The following PARD3B variants were observed in gnomAD, a reference collection of about 807,000 sequenced individuals.
The protein encoded by PARD3B is partitioning defective 3 homolog B.
Under a neutral mutation model 130.2 loss-of-function variants are expected in PARD3B, and 103 were observed. That is an observed-to-expected ratio of 0.79 (90% confidence interval 0.67 to 0.93). The LOEUF (loss-of-function observed/expected upper bound fraction) is 0.93. Among genes scored for constraint, PARD3B ranks in the 40% least tolerant of loss-of-function variants. The probability of loss-of-function intolerance (pLI) is 0.00; values close to 1 mark genes in which losing one functional copy is unlikely to be tolerated. For missense variants in PARD3B, 1,609 were observed against 1,499.2 expected (o/e 1.07, Z -1.21); for synonymous variants, 583 against 553.2 (o/e 1.05, Z -0.76).
At chr2:205,320,204 G>A (rs1428496155) in intron 18 of PARD3B, among the ~76,000 whole-genome samples, 1 of 135,016 alleles carries the variant, frequency 7.4e-6, no homozygotes, top group African/African-American at 2.7e-5. Flanking sequence ...GAAGGGAAGG[G>A]AGGGAAGGGT....
At chr2:204,597,875 C>T (rs1488291173) in intron 1 of PARD3B, among the ~76,000 whole-genome samples, 2 of 152,182 alleles carry the variant, frequency 1.3e-5, no homozygotes, top group Non-Finnish European at 2.9e-5. Context: ...GGAAGAGTCA[C>T]TGAATATGTA....
intron 1 of PARD3B, among the ~76,000 whole-genome samples, chr2:204,651,918 C>G (rs2035492320): frequency 6.6e-6 from 1 of 152,174 alleles, no homozygotes; most frequent in Non-Finnish European, 1.5e-5. Context: ...CAAGCTGTAC[C>G]TTGGCCTCGC....
Position 204,967,675 on chromosome 2 carries a change from A to G in PARD3B, c.394+2352A>G, listed in dbSNP as rs570026100. Among the ~76,000 whole-genome samples the G allele has an allele frequency of 2.0e-5, 3 of 152,338 alleles. No homozygotes were observed. The South Asian group carries it at 6.2e-4, about 32-fold the overall frequency. On this transcript the variant is annotated intron_variant, in intron 3 of 22. Coordinates refer to ENST00000406610, the MANE Select transcript of PARD3B (RefSeq NM_001302769.2). This position sits in a 1 kb window ranked among gnomAD's most constrained non-coding sequence, Gnocchi z 4.4. ...CTGGAACTTAAAAAGCAAAGAAAAA[A>G]CATATTTGTCAGGTTTTTCAGATAG...
intron 14 of PARD3B, among the ~76,000 whole-genome samples, chr2:205,191,631 G>A (rs187415013): frequency 9.8e-5 from 15 of 152,286 alleles, no homozygotes; most frequent in African/African-American, 3.1e-4. Context: ...CACATACTCT[G>A]TACCAGACCC....
intron 14 of PARD3B, among the ~76,000 whole-genome samples, chr2:205,190,073 TA>T (rs931530164): frequency 2.6e-5 from 4 of 152,250 alleles, no homozygotes; most frequent in African/African-American, 9.6e-5. Flanking sequence ...TTCTTGATTA[TA>T]TGCCAACATT....
intron 20 of PARD3B, among the ~76,000 whole-genome samples, chr2:205,443,849 G>A (rs1364349072): frequency 6.6e-6 from 1 of 152,160 alleles, no homozygotes; most frequent in Non-Finnish European, 1.5e-5. Flanking sequence ...AGAAATCTGT[G>A]TTAATGAAGG....
At chr2:205,256,922 G>GA (rs1051605864) in intron 16 of PARD3B, among the ~76,000 whole-genome samples, 16 of 152,086 alleles carry the variant, frequency 1.1e-4, no homozygotes, top group African/African-American at 3.9e-4. Context: ...TGCTGGAAAA[G>GA]AAAAAAGCCA....
At chr2:204,909,707 TGATGAGTG>T (rs2047165323) in intron 2 of PARD3B, among the ~76,000 whole-genome samples, 1 of 152,190 alleles carries the variant, frequency 6.6e-6, no homozygotes, top group Non-Finnish European at 1.5e-5. Flanking sequence ...ATGGGGTCAT[TGATGAGTG>T]GAGCACAGAG....
chr2:204,619,479 AC>A (rs1381298368), intron 1 of PARD3B, among the ~76,000 whole-genome samples: 10 of 152,210 alleles, frequency 6.6e-5, no homozygotes, highest in Non-Finnish European at 1.0e-4. Context: ...AATATGCTTC[AC>A]AGCAGCGTGA....
In PARD3B at chr2:205,244,975, C is replaced by T. The variant is rs569712244; in HGVS notation, c.2141-803C>T. On this transcript the variant is annotated intron_variant, in intron 15 of 22. Coordinates refer to ENST00000406610, the MANE Select transcript of PARD3B (RefSeq NM_001302769.2). This position sits in a 1 kb window ranked among gnomAD's most constrained non-coding sequence, Gnocchi z 4.7. Reference sequence around the variant, plus strand: ...CTTTGCCAACTCTTGGGTTAATTTTCTTACACACATATGATCATCAGTATT... The same window carrying T: ...CTTTGCCAACTCTTGGGTTAATTTTTTTACACACATATGATCATCAGTATT... Among the ~76,000 whole-genome samples, 1 of 152,308 alleles carries T rather than the reference C, an allele frequency of 6.6e-6. No individual in the cohort carries two copies. The highest frequency in any genetic ancestry group is 1.9e-4 in the East Asian group (1 of 5,174).
intron 2 of PARD3B, among the ~76,000 whole-genome samples, chr2:204,752,323 G>A (rs1161678966): frequency 6.6e-6 from 1 of 151,950 alleles, no homozygotes; most frequent in Admixed American, 6.6e-5. Context: ...ATGATTAAAT[G>A]GTATAATAAA....
intron 16 of PARD3B, among the ~76,000 whole-genome samples, chr2:205,299,513 C>G (rs1423603162): frequency 1.3e-5 from 2 of 150,228 alleles, no homozygotes; most frequent in Admixed American, 6.7e-5. Context: ...GACAAGAGCC[C>G]TGATAGAATT....
chr2:204,875,512 G>A (rs1220829758), intron 2 of PARD3B, among the ~76,000 whole-genome samples: 2 of 152,098 alleles, frequency 1.3e-5, no homozygotes, highest in African/African-American at 4.8e-5. Context: ...TCTGGGGTGG[G>A]TCTGAGATTC....
intron 21 of PARD3B, among the ~76,000 whole-genome samples, chr2:205,515,235 A>T (rs2050747099): frequency 6.6e-6 from 1 of 152,114 alleles, no homozygotes; most frequent in Non-Finnish European, 1.5e-5. Flanking sequence ...ATCTTTATCC[A>T]ATCTGTTATT....
Position 205,172,378 on chromosome 2 carries a change from G to T in PARD3B, c.1788G>T (p.Met596Ile). Residue 596 changes from methionine (M) to isoleucine (I), a missense_variant, in exon 12 of 23, where the codon ATG (methionine) becomes ATT (isoleucine). Transcript: ENST00000406610. Reference sequence around the variant, plus strand: ...TTCTGAGGAGGCCAGAGAGACCAATGGAGGTGATGCAAATCTTGATTCTCC... The same window carrying T: ...TTCTGAGGAGGCCAGAGAGACCAATTGAGGTGATGCAAATCTTGATTCTCC... ...LVILRRPERPMEDPAECGAFS... is the reference protein window; with the variant it reads ...LVILRRPERPIEDPAECGAFS... 6.2e-7 allele frequency: 1 copy of T among 1,612,440 alleles called. No homozygotes were observed. Among genetic ancestry groups the T allele is most frequent in the Non-Finnish European group, 8.5e-7 (1 of 1,179,046 alleles).
At chr2:204,977,643 G>A (rs1317943343) in intron 3 of PARD3B, among the ~76,000 whole-genome samples, 3 of 151,664 alleles carry the variant, frequency 2.0e-5, no homozygotes, top group Non-Finnish European at 2.9e-5. Flanking sequence ...CCCCGTCTCC[G>A]CTAAAAATAC....
chr2:204,564,940 A>G (rs2031578444), intron 1 of PARD3B, among the ~76,000 whole-genome samples: 1 of 152,228 alleles, frequency 6.6e-6, no homozygotes, highest in Non-Finnish European at 1.5e-5. Flanking sequence ...TCTATGGGTT[A>G]GCAGTCTGCA....
intron 21 of PARD3B, among the ~76,000 whole-genome samples, chr2:205,503,376 T>G (rs1050239602): frequency 2.6e-5 from 4 of 151,628 alleles, no homozygotes; most frequent in Non-Finnish European, 5.9e-5. Flanking sequence ...TTGCCTCAGC[T>G]GACATACTTT....
chr2:205,012,767 C>T (rs527464262), intron 3 of PARD3B, among the ~76,000 whole-genome samples: 7 of 152,282 alleles, frequency 4.6e-5, no homozygotes, highest in Middle Eastern at 3.4e-3. Flanking sequence ...CTGTTTCTTA[C>T]ATTGTTGGAA....
Sources: gnomAD v4.1 joint callset for allele counts (sites outside exome capture counted in the v4.1 genomes callset) on GRCh38, gnomAD v4.1.1 for gene constraint, Gnocchi (gnomAD v3.1) non-coding constraint, MANE v1.5 for transcripts, NCBI Gene and HGNC (gene_info 2026-07-23, HGNC 2026-07-21) for gene names.